RNGTT: variants seen among roughly 807,000 people sequenced by gnomAD.
The protein encoded by RNGTT is mRNA-capping enzyme.
A neutral mutation model predicts 79.3 loss-of-function variants in RNGTT; 33 were observed. The observed-to-expected ratio is 0.42, with a 90% CI of 0.32 to 0.56. The LOEUF is 0.56. RNGTT is among the 20% of genes least tolerant of loss of function. The probability of loss-of-function intolerance (pLI) is 0.17; values close to 1 mark genes in which losing one functional copy is unlikely to be tolerated. For synonymous variants in RNGTT, 222 were observed against 235.9 expected, an observed-to-expected ratio of 0.94 and a Z score of 0.54; for missense variants, 497 against 739.1, an observed-to-expected ratio of 0.67 and a Z score of 3.80.
At chr6:88,757,396 C>A (rs1778056593) in intron 13 of RNGTT, among the ~76,000 whole-genome samples, 1 of 152,104 alleles carries the variant, frequency 6.6e-6, no homozygotes. Context: ...AATTGTATAT[C>A]TGGAGAAATC....
chr6:88,726,389 C>CAAAAA lies in RNGTT; in HGVS notation c.1439+43380_1439+43384dup, dbSNP rs61210098. Among the ~76,000 whole-genome samples, 507 of 99,508 alleles carry CAAAAA rather than the reference C, an allele frequency of 5.1e-3. 3 individuals are homozygous for CAAAAA. The highest frequency in any genetic ancestry group is 0.011 in the Middle Eastern group (2 of 182). 65.3% of individuals were successfully genotyped at this position (99,508 alleles called of 152,430 possible). A position where few individuals can be genotyped will look rare whatever the true frequency, so the allele number is the denominator to read the frequency against. ...CATCAGGTCAGAACTATCCTAAGTC[C>CAAAAA]AAAAAAAAAAAAAAAAAAGCAAAAA... On this transcript the variant is annotated intron_variant, in intron 13 of 15. Transcript: ENST00000369485.
chr6:88,657,047 T>G (rs953371537), intron 14 of RNGTT, among the ~76,000 whole-genome samples: 1 of 152,122 alleles, frequency 6.6e-6, no homozygotes, highest in Admixed American at 6.6e-5. Flanking sequence ...CCCACTTGGA[T>G]GAACAGAACA....
At chr6:88,775,634 C>T (rs563598331) in intron 12 of RNGTT, among the ~76,000 whole-genome samples, 31 of 152,278 alleles carry the variant, frequency 2.0e-4, no homozygotes, top group African/African-American at 7.5e-4. Context: ...AGTTTATCAC[C>T]TATAATCAAA....
At chr6:88,890,266 A>C (rs1783001364) in intron 8 of RNGTT, among the ~76,000 whole-genome samples, 1 of 152,210 alleles carries the variant, frequency 6.6e-6, no homozygotes, top group Non-Finnish European at 1.5e-5. Flanking sequence ...TTATAGATTT[A>C]TGTTAAACTA....
intron 13 of RNGTT, among the ~76,000 whole-genome samples, chr6:88,747,447 A>C (rs1777698460): frequency 6.6e-6 from 1 of 152,210 alleles, no homozygotes; most frequent in Admixed American, 6.5e-5. Flanking sequence ...TAGAATCAGG[A>C]GTTTATTATA....
rs1337938178 is a variant in RNGTT at position 88,738,286 on chromosome 6, C to T, written c.1439+31488G>A. 2.6e-5 allele frequency among the ~76,000 whole-genome samples: 4 copies of T among 151,938 alleles called. No homozygotes were observed. In the South Asian group the frequency reaches 6.2e-4, roughly 24 times the overall value. The stretch of plus-strand genomic sequence containing the variant: ...ACAACTGGCAATGTCATTAAAAACG[C>T]GGAAAGTATGAGAAAATGTCACAGC... On this transcript the variant is annotated intron_variant, in intron 13 of 15. Transcript: ENST00000369485.
chr6:88,788,332 G>T (rs939353588), intron 12 of RNGTT, among the ~76,000 whole-genome samples: 1 of 152,048 alleles, frequency 6.6e-6, no homozygotes, highest in Non-Finnish European at 1.5e-5. Context: ...GGAAGAGCTC[G>T]AAAGGGACCG....
chr6:88,694,612 C>T (rs1775594556), intron 13 of RNGTT, among the ~76,000 whole-genome samples: 1 of 152,014 alleles, frequency 6.6e-6, no homozygotes, highest in African/African-American at 2.4e-5. Flanking sequence ...TCCTATGGGA[C>T]TACAAAAAAC....
intron 8 of RNGTT, among the ~76,000 whole-genome samples, chr6:88,860,215 T>C (rs912503254): frequency 2.0e-5 from 3 of 152,218 alleles, no homozygotes; most frequent in Non-Finnish European, 4.4e-5. Context: ...TGCTATTTAC[T>C]GGATATGTGA....
rs555681649 is a variant in RNGTT at position 88,921,275 on chromosome 6, TA to T, written c.367+7709del. Among the ~76,000 whole-genome samples the T allele has an allele frequency of 2.8e-3, 418 of 151,196 alleles. 1 individual carries two copies. The highest frequency in any genetic ancestry group is 9.6e-3 in the South Asian group (46 of 4,778). On this transcript the variant is annotated intron_variant, in intron 4 of 15. Transcript: ENST00000369485. ...TTTCTTTTCAAAGCTGTCTTGGTTT[TA>T]AAAAAAAATCCCAGCCTGGGTGACA...
chr6:88,834,564 C>T (rs972000773), intron 11 of RNGTT, among the ~76,000 whole-genome samples: 1 of 152,178 alleles, frequency 6.6e-6, no homozygotes, highest in Non-Finnish European at 1.5e-5. Flanking sequence ...CACTGAAAAT[C>T]TCTATGTGTG....
At chr6:88,900,439 T>C (rs1189035765) in intron 6 of RNGTT, among the ~76,000 whole-genome samples, 1 of 152,096 alleles carries the variant, frequency 6.6e-6, no homozygotes, top group Non-Finnish European at 1.5e-5. Context: ...AATGCCAAGA[T>C]AGGTCAGAAG....
intron 8 of RNGTT, among the ~76,000 whole-genome samples, chr6:88,874,938 G>A (rs1782469688): frequency 6.6e-6 from 1 of 151,884 alleles, no homozygotes; most frequent in Non-Finnish European, 1.5e-5. Context: ...CTCTTACTTA[G>A]TTGTCTGGTA....
chr6:88,921,319 TAAAA>T (rs879797651), intron 4 of RNGTT, among the ~76,000 whole-genome samples: 1 of 145,086 alleles, frequency 6.9e-6, no homozygotes, highest in African/African-American at 2.5e-5. Context: ...ACCTGGTCTT[TAAAA>T]AAAAAAAAAG....
chr6:88,669,572 C>A (rs1193208209), intron 14 of RNGTT, among the ~76,000 whole-genome samples: 2 of 152,208 alleles, frequency 1.3e-5, no homozygotes, highest in Admixed American at 6.5e-5. Flanking sequence ...GGGGTCTAAA[C>A]CATATTGAGA....
intron 13 of RNGTT, among the ~76,000 whole-genome samples, chr6:88,753,950 A>G (rs1777923495): frequency 6.6e-6 from 1 of 152,196 alleles, no homozygotes; most frequent in South Asian, 2.1e-4. Context: ...AACATATGGC[A>G]TTAGACCATA....
At chr6:88,960,581 AAAAAGAAAAG>A (rs766901373) in intron 1 of RNGTT, among the ~76,000 whole-genome samples, 1 of 152,198 alleles carries the variant, frequency 6.6e-6, no homozygotes, top group Non-Finnish European at 1.5e-5. Flanking sequence ...TAAAAATACA[AAAAAGAAAAG>A]AAAAGAAAAG....
chr6:88,895,492 G>A (rs1355664007), intron 6 of RNGTT, among the ~76,000 whole-genome samples: 3 of 152,072 alleles, frequency 2.0e-5, no homozygotes, highest in African/African-American at 7.2e-5. Context: ...CATCGGACAT[G>A]TGCCACAGTT....
intron 14 of RNGTT, among the ~76,000 whole-genome samples, chr6:88,657,864 C>A (rs1774037368): frequency 6.6e-6 from 1 of 152,092 alleles, no homozygotes; most frequent in African/African-American, 2.4e-5. Flanking sequence ...ATCCACTGGC[C>A]TAAGAATCAC....
Sources: gnomAD v4.1 joint callset for allele counts (sites outside exome capture counted in the v4.1 genomes callset) on GRCh38, gnomAD v4.1.1 for gene constraint, MANE v1.5 for transcripts, NCBI Gene and HGNC (gene_info 2026-07-23, HGNC 2026-07-21) for gene names.